Variants in PSD3 observed in about 807,000 individuals in gnomAD.
The protein encoded by PSD3 is pleckstrin and Sec7 domain containing 3, also known as PH and SEC7 domain-containing protein 3.
PSD3 carries 49 observed loss-of-function variants against 105.5 expected under a neutral mutation model. The observed-to-expected ratio is 0.46, with a 90% CI of 0.37 to 0.59. The LOEUF (loss-of-function observed/expected upper bound fraction) is 0.59. Ranked by LOEUF, PSD3 falls within the 20% of genes least tolerant of loss-of-function variation. PSD3 has a pLI of 0.00. For synonymous variants in PSD3, 557 were observed against 457.8 expected (o/e 1.22, Z -2.77); for missense variants, 1,561 against 1,263.8 (o/e 1.24, Z -3.57).
At chr8:19,041,535 G>T (rs141267528) in intron 1 of PSD3, among the ~76,000 whole-genome samples, 1 of 152,322 alleles carries the variant, frequency 6.6e-6, no homozygotes, top group African/African-American at 2.4e-5. Context: ...AGTGCAAATA[G>T]TGCAAGCAAA....
chr8:18,970,691 G>A (rs189967590), intron 1 of PSD3, among the ~76,000 whole-genome samples: 3 of 151,762 alleles, frequency 2.0e-5, no homozygotes, highest in Non-Finnish European at 4.4e-5. Context: ...GCGGTGGTTC[G>A]TGCCTATAAT....
chr8:18,787,271 A>G (rs1036694208), intron 8 of PSD3, among the ~76,000 whole-genome samples: 1 of 152,224 alleles, frequency 6.6e-6, no homozygotes, highest in African/African-American at 2.4e-5. Context: ...CTTTAATAAT[A>G]CTTTTTCATA....
At chr8:18,781,728 T>C (rs1346926892) in intron 8 of PSD3, among the ~76,000 whole-genome samples, 1 of 152,214 alleles carries the variant, frequency 6.6e-6, no homozygotes, top group Non-Finnish European at 1.5e-5. Flanking sequence ...GCTTCCTATA[T>C]CTAGATGTCT....
At position 18,796,513 on chromosome 8, in the gene PSD3, G is replaced by T. The variant is rs370406232; in HGVS notation, c.2082+2782C>A. Among the ~76,000 whole-genome samples, 8 of 152,306 alleles carry T rather than the reference G, an allele frequency of 5.3e-5. No individual in the cohort carries two copies. The South Asian group carries it at 8.3e-4, about 16-fold the overall frequency. On this transcript the variant is annotated intron_variant, in intron 8 of 15. Coordinates refer to ENST00000327040, the MANE Select transcript of PSD3 (RefSeq NM_015310.4). ...TTTCAACATGTCACATTAGCTAAAT[G>T]TAAGTAAAATATTAGTATACATTCC...
At chr8:18,596,372 C>A (rs976206456) in intron 12 of PSD3, among the ~76,000 whole-genome samples, 2 of 150,980 alleles carry the variant, frequency 1.3e-5, no homozygotes, top group Non-Finnish European at 3.0e-5. Context: ...AGGAAAGAAA[C>A]AATAAAGATT....
At chr8:18,875,462 T>C (rs1004749134) in intron 2 of PSD3, among the ~76,000 whole-genome samples, 2 of 151,208 alleles carry the variant, frequency 1.3e-5, no homozygotes, top group African/African-American at 2.5e-5. Context: ...GGTCTTTTCA[T>C]GGTTCCACCT....
chr8:18,751,498 A>G (rs1159415858), intron 9 of PSD3, among the ~76,000 whole-genome samples: 1 of 149,584 alleles, frequency 6.7e-6, no homozygotes, highest in Non-Finnish European at 1.5e-5. Flanking sequence ...CGAAAACCTG[A>G]AAACCATAGG....
intron 4 of PSD3, among the ~76,000 whole-genome samples, chr8:18,860,592 A>T (rs720028): frequency 6.6e-6 from 1 of 152,074 alleles, no homozygotes; most frequent in South Asian, 2.1e-4. Context: ...TGTAAACAAG[A>T]CCCTTTTGAG....
intron 14 of PSD3, among the ~76,000 whole-genome samples, chr8:18,567,877 AGGTGGGACCT>A (rs1464712486): frequency 1.3e-5 from 2 of 152,190 alleles, no homozygotes; most frequent in African/African-American, 4.8e-5. Context: ...CCAATGTTGG[AGGTGGGACCT>A]GGTAAGAGGT....
At chr8:18,655,734 C>T (rs192937916) in intron 9 of PSD3, 49 bp from the exon 10 acceptor site, 1 of 1,560,854 alleles carries the variant, frequency 6.4e-7, no homozygotes, top group Non-Finnish European at 8.8e-7. Context: ...TTCTGTTCCA[C>T]ATTTTGAATT....
chr8:18,969,812 T>C (rs1477172437), intron 1 of PSD3, among the ~76,000 whole-genome samples: 2 of 152,126 alleles, frequency 1.3e-5, no homozygotes, highest in East Asian at 1.9e-4. Flanking sequence ...GAGGAAATAA[T>C]AGTTCCATCA....
At chr8:18,980,114 C>A (rs1468781359) in intron 1 of PSD3, among the ~76,000 whole-genome samples, 10 of 152,224 alleles carry the variant, frequency 6.6e-5, no homozygotes, top group Non-Finnish European at 1.5e-4. Flanking sequence ...AATGTACACA[C>A]ATGATAAATG....
chr8:18,741,373 G>A (rs1049955813), intron 9 of PSD3, among the ~76,000 whole-genome samples: 1 of 152,166 alleles, frequency 6.6e-6, no homozygotes, highest in Admixed American at 6.5e-5. Flanking sequence ...CCAAGATGAT[G>A]TGACTCCAAG....
intron 15 of PSD3, among the ~76,000 whole-genome samples, chr8:18,547,101 T>C (rs887962749): frequency 1.3e-5 from 2 of 152,140 alleles, no homozygotes; most frequent in African/African-American, 4.8e-5. Flanking sequence ...AGTCCACAGT[T>C]GTTCCTGGGC....
At chr8:18,827,133 G>A (rs1813258738) in intron 4 of PSD3, among the ~76,000 whole-genome samples, 1 of 152,164 alleles carries the variant, frequency 6.6e-6, no homozygotes, top group Non-Finnish European at 1.5e-5. Flanking sequence ...TGAATAAAGA[G>A]CAAAATACAG....
At chr8:18,684,204 CCACA>C (rs67855105) in intron 9 of PSD3, 34,750 of 195,288 alleles carry the variant, frequency 0.18, 4,143 homozygotes, top group African/African-American at 0.2. Context: ...TCTCTCTTTT[CCACA>C]CACACACACA....
At chr8:18,642,613 G>T (rs1807732323) in intron 10 of PSD3, among the ~76,000 whole-genome samples, 1 of 152,182 alleles carries the variant, frequency 6.6e-6, no homozygotes, top group Admixed American at 6.5e-5. Context: ...TTTAGGACAA[G>T]TAGGCTACTA....
chr8:19,014,757 G>A (rs1219810926), upstream of PSD3, among the ~76,000 whole-genome samples: 20 of 152,192 alleles, frequency 1.3e-4, 1 homozygote. The surrounding 1 kb of genome is among the most constrained non-coding windows in gnomAD (Gnocchi z 4.9). Context: ...GTGGCCCCAC[G>A]ATCTCGCCCA....
chr8:18,975,554 A>G (rs1824899391), intron 1 of PSD3, among the ~76,000 whole-genome samples: 1 of 152,218 alleles, frequency 6.6e-6, no homozygotes. Flanking sequence ...ATTAAAATAG[A>G]AAGAGTAAAA....
Sources: allele counts gnomAD v4.1 joint callset (sites outside exome capture counted in the v4.1 genomes callset), GRCh38; gene constraint gnomAD v4.1.1; non-coding constraint Gnocchi (gnomAD v3.1); transcripts MANE v1.5; gene names NCBI Gene and HGNC (gene_info 2026-07-23, HGNC 2026-07-21).